Variants in ADAM22 observed in about 807,000 individuals in gnomAD.
The protein encoded by ADAM22 is ADAM metallopeptidase domain 22.
A neutral mutation model predicts 144.6 loss-of-function variants in ADAM22; 65 were observed. The observed-to-expected ratio is 0.45, with a 90% confidence interval of 0.37 to 0.55. The LOEUF is 0.55. ADAM22 is among the 20% of genes least tolerant of loss of function. The pLI is 0.00. For missense variants in ADAM22, 974 were observed against 1,184.9 expected, an observed-to-expected ratio of 0.82 and a Z score of 2.61; for synonymous variants, 391 against 412.6, an observed-to-expected ratio of 0.95 and a Z score of 0.63.
chr7:87,984,118 TTAA>T (rs2129450106), intron 3 of ADAM22, among the ~76,000 whole-genome samples: 1 of 152,330 alleles, frequency 6.6e-6, no homozygotes, highest in Non-Finnish European at 1.5e-5. Flanking sequence ...ATTTTTTATC[TTAA>T]TTATTATGAC....
At chr7:88,110,003 A>ACT (rs1825589770) in intron 5 of ADAM22, among the ~76,000 whole-genome samples, 1 of 152,194 alleles carries the variant, frequency 6.6e-6, no homozygotes, top group Non-Finnish European at 1.5e-5. Flanking sequence ...GAAAGAATAT[A>ACT]AGTGTAAGTT....
intron 2 of ADAM22, among the ~76,000 whole-genome samples, chr7:87,946,097 A>G (rs1475884537): frequency 2.0e-5 from 3 of 151,498 alleles, no homozygotes; most frequent in African/African-American, 7.3e-5. Context: ...ATGGTATCTC[A>G]TTGTGGTTTT....
intron 3 of ADAM22, among the ~76,000 whole-genome samples, chr7:87,987,310 C>G (rs1458022718): frequency 3.3e-5 from 5 of 152,176 alleles, no homozygotes; most frequent in Non-Finnish European, 5.9e-5. Context: ...TCCCAAGTAG[C>G]TGGGATTACA....
rs775850338 is a variant in ADAM22 at position 88,193,159 on chromosome 7, A to G, written c.2794A>G (p.Ile932Val). The G allele has an allele frequency of 4.3e-6, 7 of 1,613,964 alleles. No individual in the cohort carries two copies. In the East Asian group the frequency reaches 1.3e-4, roughly 31 times the overall value. Residue 932 changes from isoleucine to valine, a missense_variant, in exon 31 of 32, where the codon ATT becomes GTT. By Grantham distance (29) the Ile-to-Val change is conservative (BLOSUM62 3). This residue lies in a region of ADAM22 where 734 missense variants were observed against 950.6 expected (regional missense o/e 0.77). Coordinates refer to ENST00000413139, the MANE Select transcript of ADAM22 (RefSeq NM_001324418.2). ...GTCTCCTTCTTCATCAACTGGGTCT[A>G]TTGCCTCCAGCAGAAAATACCCTTA... ...AKSPSSSTGSIASSRKYPYPM... is the reference protein window; with the variant it reads ...AKSPSSSTGSVASSRKYPYPM...
chr7:88,183,698 G>A (rs1279186386), intron 29 of ADAM22, among the ~76,000 whole-genome samples: 1 of 151,722 alleles, frequency 6.6e-6, no homozygotes, highest in Non-Finnish European at 1.5e-5. Context: ...GACTTCCTCA[G>A]ATTTTTCAGA....
chr7:88,115,263 TTTTATATTGGAAA>T (rs1449255598), intron 6 of ADAM22, among the ~76,000 whole-genome samples: 37 of 152,340 alleles, frequency 2.4e-4, no homozygotes, highest in African/African-American at 8.7e-4. Flanking sequence ...TTTCTTTCTC[TTTTATATTGGAAA>T]TATAATACTT....
At chr7:88,116,913 A>T in intron 7 of ADAM22, 99 bp downstream of exon 7, 1 of 885,832 alleles carries the variant, frequency 1.1e-6, no homozygotes. Flanking sequence ...ATTAGCCCAC[A>T]TCTGCTTTTG....
rs997047182 is a variant in ADAM22, at chr7:88,010,032, T to C, written c.323+31620T>C. Among the ~76,000 whole-genome samples, 5 of 151,938 alleles carry C rather than the reference T, an allele frequency of 3.3e-5. 1 individual carries two copies. On this transcript the variant is annotated intron_variant, in intron 3 of 31. Transcript: ENST00000413139. ...CCCGTTATGGTTGAATTTCTCTCTT[T>C]TTTTTTTTCAAATATAAATAGAACC...
chr7:88,146,235 G>A (rs1836367782), intron 17 of ADAM22, among the ~76,000 whole-genome samples: 1 of 152,140 alleles, frequency 6.6e-6, no homozygotes, highest in Admixed American at 6.5e-5. Flanking sequence ...GCAGAGCCAG[G>A]CACTTAGACA....
At chr7:88,162,951 G>A (rs1563363860) in intron 22 of ADAM22, 61 bp from the exon 23 acceptor site, 24 of 1,576,304 alleles carry the variant, frequency 1.5e-5, no homozygotes, top group Non-Finnish European at 2.1e-5. Context: ...AAGTTTTTGA[G>A]CATATTTTCA....
In ADAM22 at chr7:88,186,649, G is replaced by A; in HGVS notation, c.2698G>A (p.Val900Ile). 6.2e-7 allele frequency: 1 copy of A among 1,612,666 alleles called. No individual in the cohort carries two copies. ...LNPWFKRDYN[V>I]AKWVEDVNKN... ...CCCATGGTTCAAAAGAGACTATAAT[G>A]TAGCTAAGTGGGTAGAAGATGTGAA... Residue 900 changes from valine to isoleucine, a missense_variant, in exon 30 of 32, where the codon GTA (valine) becomes ATA (isoleucine). Physicochemically the swap from Val to Ile is conservative, Grantham distance 29 (BLOSUM62 3). Around this residue, in one of 2 missense-constraint regions of ADAM22, gnomAD observed 734 missense variants for 950.6 expected, o/e 0.77. Transcript: ENST00000413139.
chr7:88,017,974 G>A (rs146374824), intron 3 of ADAM22, among the ~76,000 whole-genome samples: 116 of 151,846 alleles, frequency 7.6e-4, no homozygotes, highest in African/African-American at 2.7e-3. Context: ...CATTCTTCTC[G>A]ACTCCCCAAA....
intron 2 of ADAM22, among the ~76,000 whole-genome samples, chr7:87,954,853 T>G (rs930803764): frequency 1.3e-5 from 2 of 152,204 alleles, no homozygotes; most frequent in Admixed American, 1.3e-4. Context: ...TTTTTATTCT[T>G]TTTTCTCTAA....
intron 24 of ADAM22, among the ~76,000 whole-genome samples, 188 bp downstream of exon 24, chr7:88,166,134 G>A (rs548205704): frequency 4.6e-4 from 70 of 152,120 alleles, no homozygotes; most frequent in African/African-American, 1.5e-3. Context: ...GTAATATTAC[G>A]TATAACTTAG....
intron 4 of ADAM22, among the ~76,000 whole-genome samples, chr7:88,096,024 C>T (rs1458953133): frequency 6.7e-6 from 1 of 149,254 alleles, no homozygotes; most frequent in Non-Finnish European, 1.5e-5. Flanking sequence ...GAACTCCTAG[C>T]AGTACTTCTC....
chr7:87,993,022 G>A (rs557227758), intron 3 of ADAM22, among the ~76,000 whole-genome samples: 10 of 152,084 alleles, frequency 6.6e-5, no homozygotes, highest in African/African-American at 1.4e-4. Context: ...GCCTTTCCCC[G>A]TATCATATAG....
chr7:87,961,709 A>G (rs1205220093), intron 2 of ADAM22, among the ~76,000 whole-genome samples: 1 of 152,206 alleles, frequency 6.6e-6, no homozygotes, highest in Non-Finnish European at 1.5e-5. Context: ...TGAGCAGCAC[A>G]CTTCCAAGCT....
rs906574958 is a variant in ADAM22 at position 88,132,894 on chromosome 7, C to T, written c.1020C>T (p.Ser340=). The change falls in exon 12 of 32, where the codon AGC becomes AGT. Residue 340 remains serine (S), a synonymous_variant. Transcript: ENST00000413139. ...FSGSQFESSR[S]GAAYIGGICS... The stretch of plus-strand genomic sequence containing the variant: ...GAAGTCAATTTGAGAGTAGCCGGAG[C>T]GGGGCAGCTTATATTGGTGGGATTT... The T allele has an allele frequency of 1.5e-5, 24 of 1,613,686 alleles. No homozygotes were observed. Among genetic ancestry groups the T allele is most frequent in the Admixed American group, 5.0e-5 (3 of 59,968 alleles).
chr7:88,027,180 C>T (rs559664055), intron 3 of ADAM22, among the ~76,000 whole-genome samples: 3 of 152,156 alleles, frequency 2.0e-5, no homozygotes, highest in Admixed American at 2.0e-4. Context: ...GGGACGTTGG[C>T]CTGTATTTTT....
Sources: gnomAD v4.1 joint callset for allele counts (sites outside exome capture counted in the v4.1 genomes callset) on GRCh38, gnomAD v4.1.1 for gene constraint, gnomAD v4.1.1 regional missense constraint, MANE v1.5 for transcripts, NCBI Gene and HGNC (gene_info 2026-07-23, HGNC 2026-07-21) for gene names.